HSD17B2: variants seen among roughly 807,000 people sequenced by gnomAD.
HSD17B2 encodes hydroxysteroid 17-beta dehydrogenase 2, also known as 17-beta-hydroxysteroid dehydrogenase type 2.
HSD17B2 carries 32 observed loss-of-function variants against 26.9 expected under a neutral mutation model. That is an observed-to-expected ratio of 1.19 (90% CI 0.90 to 1.60). HSD17B2 has a LOEUF of 1.60. Among genes scored for constraint, HSD17B2 ranks in the 40% most tolerant of loss-of-function variants. The pLI is 0.00. For missense variants in HSD17B2, 613 were observed against 468.6 expected (o/e 1.31, Z -2.85); for synonymous variants, 246 against 186.7 (o/e 1.32, Z -2.59).
At chr16:82,047,213 C>T (rs750058230) in intron 1 of HSD17B2, among the ~76,000 whole-genome samples, 2 of 152,242 alleles carry the variant, frequency 1.3e-5, no homozygotes, top group African/African-American at 4.8e-5. Flanking sequence ...AAGCTTGTCA[C>T]TGTTTTCCAA....
intron 1 of HSD17B2, among the ~76,000 whole-genome samples, chr16:82,066,915 G>C (rs1023322840): frequency 6.6e-6 from 1 of 152,024 alleles, no homozygotes; most frequent in Non-Finnish European, 1.5e-5. Context: ...TCCTTCTTTT[G>C]CTTTTATACA....
At chr16:82,084,116 G>A (rs751066651) in intron 3 of HSD17B2, among the ~76,000 whole-genome samples, 1 of 152,096 alleles carries the variant, frequency 6.6e-6, no homozygotes, top group East Asian at 1.9e-4. Flanking sequence ...TTGCTCTTCG[G>A]TTACTAGCTG....
chr16:82,061,332 T>C (rs995300509), intron 1 of HSD17B2, among the ~76,000 whole-genome samples: 2 of 152,204 alleles, frequency 1.3e-5, no homozygotes, highest in Non-Finnish European at 2.9e-5. Flanking sequence ...TTGTTCCAAT[T>C]ACTTTAATAT....
At chr16:82,067,157 G>C (rs1225376164) in intron 1 of HSD17B2, among the ~76,000 whole-genome samples, 1 of 152,134 alleles carries the variant, frequency 6.6e-6, no homozygotes, top group Non-Finnish European at 1.5e-5. Context: ...TGATCTTTGA[G>C]TTGATTCTCT....
intron 3 of HSD17B2, among the ~76,000 whole-genome samples, chr16:82,072,272 C>T (rs950581449): frequency 1.3e-5 from 2 of 152,100 alleles, no homozygotes; most frequent in African/African-American, 4.8e-5. Flanking sequence ...TGGTTAGGAG[C>T]AATGAGTATT....
At chr16:82,040,106 A>T (rs182890197) in intron 1 of HSD17B2, among the ~76,000 whole-genome samples, 7 of 152,374 alleles carry the variant, frequency 4.6e-5, no homozygotes, top group Admixed American at 4.6e-4. Context: ...GAAAATTTCA[A>T]AACTGGATAT....
intron 1 of HSD17B2, among the ~76,000 whole-genome samples, chr16:82,038,496 C>T (rs368568995): frequency 1.6e-4 from 25 of 152,286 alleles, no homozygotes; most frequent in African/African-American, 5.1e-4. Flanking sequence ...ATTACAGGCA[C>T]GTGCTACCAC....
At chr16:82,089,571 G>C (rs759069693) in intron 3 of HSD17B2, among the ~76,000 whole-genome samples, 6 of 152,152 alleles carry the variant, frequency 3.9e-5, no homozygotes, top group Admixed American at 2.0e-4. Context: ...CACCACAAAC[G>C]GAGTGGCTTA....
chr16:82,041,124 T>C (rs927704491), intron 1 of HSD17B2, among the ~76,000 whole-genome samples: 3 of 152,174 alleles, frequency 2.0e-5, no homozygotes, highest in Non-Finnish European at 4.4e-5. Context: ...CTGGGGAGTA[T>C]TCTGACTGCA....
intron 4 of HSD17B2, chr16:82,091,791 T>C (rs554097469): frequency 1.3e-5 from 2 of 152,494 alleles, no homozygotes; most frequent in East Asian, 1.9e-4. Flanking sequence ...TTGGGTTGCA[T>C]GGGCCTCTTC....
intron 4 of HSD17B2, chr16:82,092,548 A>T (rs1238958985): frequency 6.6e-6 from 1 of 152,228 alleles, no homozygotes; most frequent in Non-Finnish European, 1.5e-5. Flanking sequence ...TTGGCTTGAA[A>T]CACTTGATAG....
At chr16:82,058,599 C>T (rs1914343723) in intron 1 of HSD17B2, among the ~76,000 whole-genome samples, 1 of 152,160 alleles carries the variant, frequency 6.6e-6, no homozygotes. Context: ...GTCATTAGGG[C>T]TCACCTACCC....
chr16:82,091,301 A>G (rs554194173), intron 4 of HSD17B2: 1 of 481,410 alleles, frequency 2.1e-6, no homozygotes, highest in East Asian at 4.2e-5. Flanking sequence ...TGGCTCAGTA[A>G]GTCAGATTAG....
chr16:82,046,866 A>G (rs773371049), intron 1 of HSD17B2, among the ~76,000 whole-genome samples: 1 of 152,218 alleles, frequency 6.6e-6, no homozygotes, highest in Non-Finnish European at 1.5e-5. Flanking sequence ...GCCAAGTGAC[A>G]AATAAGTAAT....
At chr16:82,093,898 C>T (rs1009836311) in intron 4 of HSD17B2, 2 of 152,084 alleles carry the variant, frequency 1.3e-5, no homozygotes, top group Non-Finnish European at 2.9e-5. Context: ...TGGGTTCCTC[C>T]CCCTTTTAGA....
chr16:82,060,138 G>C (rs72829168), intron 1 of HSD17B2, among the ~76,000 whole-genome samples: 28 of 152,254 alleles, frequency 1.8e-4, no homozygotes, highest in Non-Finnish European at 3.2e-4. Context: ...TCTATTTTAT[G>C]GGGAACAGGC....
chr16:82,095,327 C>A (rs367815237), intron 4 of HSD17B2: 2 of 152,194 alleles, frequency 1.3e-5, no homozygotes, highest in African/African-American at 4.8e-5. Flanking sequence ...ATTGAAACTC[C>A]GTTTGCATTT....
intron 1 of HSD17B2, among the ~76,000 whole-genome samples, chr16:82,054,140 T>C (rs1353651663): frequency 2.0e-5 from 3 of 151,704 alleles, no homozygotes; most frequent in African/African-American, 7.3e-5. Flanking sequence ...TCTCATTCTT[T>C]ACTCTGTTAT....
Position 82,068,188 on chromosome 16 carries a change from G to A in HSD17B2, c.284G>A (p.Gly95Asp). The A allele has an allele frequency of 6.2e-7, 1 of 1,614,120 alleles. No homozygotes were observed. The highest frequency in any genetic ancestry group is 8.5e-7 in the Non-Finnish European group (1 of 1,180,024). Residue 95 changes from glycine to aspartate, a missense_variant, in exon 2 of 5, where the codon GGC (glycine) becomes GAC (aspartate). By Grantham distance (94) the Gly-to-Asp change is moderately conservative. Transcript: ENST00000199936. ...VLVTGGDCGL[G>D]HALCKYLDEL... The stretch of plus-strand genomic sequence containing the variant: ...TATGCAGGTGGTGATTGCGGGCTTG[G>A]CCATGCTTTGTGCAAGTATCTGGAT...
Sources: allele counts gnomAD v4.1 joint callset (sites outside exome capture counted in the v4.1 genomes callset), GRCh38; gene constraint gnomAD v4.1.1; transcripts MANE v1.5; gene names NCBI Gene and HGNC (gene_info 2026-07-23, HGNC 2026-07-21).